The following KCNMA1 variants were observed in gnomAD, a reference collection of about 807,000 sequenced individuals.
KCNMA1 encodes the protein Calcium-activated potassium channel subunit alpha-1.
KCNMA1 carries 29 observed loss-of-function variants against 140.0 expected under a neutral mutation model. The observed-to-expected ratio is 0.21, with a 90% CI of 0.15 to 0.28. KCNMA1 has a LOEUF of 0.28. Among genes scored for constraint, KCNMA1 ranks in the 10% least tolerant of loss-of-function variants. The pLI is 1.00. For synonymous variants in KCNMA1, 612 were observed against 611.9 expected (o/e 1.00, Z 0.00); for missense variants, 880 against 1,602.2 (o/e 0.55, Z 7.70).
At chr10:77,183,173 C>A (rs1243446343) in intron 5 of KCNMA1, among the ~76,000 whole-genome samples, 1 of 152,198 alleles carries the variant, frequency 6.6e-6, no homozygotes, top group Non-Finnish European at 1.5e-5. Context: ...CTGGCTGTGA[C>A]AGTGATGACC....
At chr10:77,455,852 C>T (rs1531225) in intron 1 of KCNMA1, among the ~76,000 whole-genome samples, 7,485 of 152,306 alleles carry the variant, frequency 0.049, 439 homozygotes, top group African/African-American at 0.14. Context: ...AATCCAAACG[C>T]CCCCTTTCCA....
intron 16 of KCNMA1, among the ~76,000 whole-genome samples, chr10:77,027,455 G>A (rs1487734669): frequency 6.6e-6 from 1 of 152,168 alleles, no homozygotes. Flanking sequence ...TGCTGTAAAG[G>A]AGGCCAGAGT....
At chr10:77,385,706 T>G (rs535022293) in intron 2 of KCNMA1, among the ~76,000 whole-genome samples, 1 of 152,142 alleles carries the variant, frequency 6.6e-6, no homozygotes, top group African/African-American at 2.4e-5. Flanking sequence ...ATGGAGTGCA[T>G]GGAGGAGAGC....
chr10:77,603,882 G>A (rs1053862494), intron 1 of KCNMA1, among the ~76,000 whole-genome samples: 5 of 152,192 alleles, frequency 3.3e-5, no homozygotes, highest in African/African-American at 1.2e-4. Flanking sequence ...TGCTACATGT[G>A]TGGCCTTAGA....
intron 1 of KCNMA1, among the ~76,000 whole-genome samples, chr10:77,626,020 T>C (rs1287877410): frequency 9.3e-6 from 1 of 107,942 alleles, no homozygotes; most frequent in Non-Finnish European, 1.9e-5. Context: ...CTGGTGATTT[T>C]CTATTTTTTT....
intron 18 of KCNMA1, among the ~76,000 whole-genome samples, chr10:77,005,014 T>C (rs1316568853): frequency 1.3e-5 from 2 of 152,182 alleles, no homozygotes; most frequent in African/African-American, 4.8e-5. Context: ...TCCTTTGGTG[T>C]TTGCTAATTT....
intron 1 of KCNMA1, among the ~76,000 whole-genome samples, chr10:77,414,578 G>A (rs1343625729): frequency 2.0e-5 from 3 of 151,944 alleles, no homozygotes; most frequent in African/African-American, 7.3e-5. Context: ...TGCAGCCTCC[G>A]CCTCCCAGGT....
intron 2 of KCNMA1, among the ~76,000 whole-genome samples, chr10:77,360,785 G>A (rs2093879507): frequency 6.6e-6 from 1 of 152,200 alleles, no homozygotes; most frequent in Non-Finnish European, 1.5e-5. Context: ...CAGCCCAGAA[G>A]AGGTGCTCTG....
chr10:77,630,314 C>T (rs2093031185), intron 1 of KCNMA1, among the ~76,000 whole-genome samples: 1 of 152,180 alleles, frequency 6.6e-6, no homozygotes, highest in Non-Finnish European at 1.5e-5. Context: ...CCCTCCTGGA[C>T]TTCGGGAAGT....
In KCNMA1 at chr10:77,436,994, A is replaced by ACACACACACG. The variant is rs1158264663; in HGVS notation, c.379-32972_379-32971insCGTGTGTGTG. Reference sequence around the variant, plus strand: ...CACACACACACACACACACACACACACACTCCTTCAGCCAAAATGTTCCAC... The same window carrying ACACACACACG: ...CACACACACACACACACACACACACACACACACACGCACTCCTTCAGCCAAAATGTTCCAC... On this transcript the variant is annotated intron_variant, in intron 1 of 27. Coordinates refer to ENST00000286628, the MANE Select transcript of KCNMA1 (RefSeq NM_001161352.2). Among the ~76,000 whole-genome samples the ACACACACACG allele has an allele frequency of 3.9e-4, 49 of 126,714 alleles. 3 individuals carry two copies. In the East Asian group the frequency reaches 0.012, roughly 32 times the overall value. 83.1% of individuals were successfully genotyped at this position (126,714 alleles called of 152,430 possible).
chr10:77,254,751 T>C (rs1035134840), intron 2 of KCNMA1, among the ~76,000 whole-genome samples: 4 of 152,098 alleles, frequency 2.6e-5, no homozygotes, highest in Non-Finnish European at 5.9e-5. Context: ...TAATATCTCT[T>C]CACGAAGGGC....
intron 3 of KCNMA1, among the ~76,000 whole-genome samples, chr10:77,204,223 G>A (rs182283859): frequency 9.7e-4 from 148 of 152,224 alleles, no homozygotes; most frequent in African/African-American, 3.4e-3. Flanking sequence ...TGCTCTTCCC[G>A]TGTTTCAGGG....
Position 77,110,277 on chromosome 10 carries a change from C to T in KCNMA1, c.1027G>A (p.Val343Ile). The T allele has an allele frequency of 6.2e-7, 1 of 1,613,942 alleles. No individual in the cohort carries two copies. Among genetic ancestry groups the T allele is most frequent in the Non-Finnish European group, 8.5e-7 (1 of 1,179,808 alleles). ...NNQALTYWEC[V>I]YLLMVTMSTV... is the part of the protein sequence containing the mutation. ...GACATTGTGACCATGAGTAAATAGA[C>T]ACATTCCCAGTAGGTGAGAGCCTGG... Residue 343 changes from valine to isoleucine, a missense_variant, in exon 8 of 28, where the codon GTC becomes ATC. By Grantham distance (29) the Val-to-Ile change is conservative (BLOSUM62 3). Transcript: ENST00000286628.
At chr10:77,378,127 C>T (rs116684462) in intron 2 of KCNMA1, among the ~76,000 whole-genome samples, 2,162 of 152,294 alleles carry the variant, frequency 0.014, 44 homozygotes, top group African/African-American at 0.049. Flanking sequence ...TCTGTGTGCT[C>T]ATTCACCTGA....
intron 3 of KCNMA1, among the ~76,000 whole-genome samples, chr10:77,247,124 G>A (rs774115785): frequency 9.9e-5 from 15 of 152,126 alleles, no homozygotes; most frequent in South Asian, 2.1e-4. Context: ...TTCAGTATAC[G>A]CCACATTAAA....
chr10:77,103,888 A>G (rs1478922421), intron 9 of KCNMA1, among the ~76,000 whole-genome samples: 2 of 152,188 alleles, frequency 1.3e-5, no homozygotes, highest in African/African-American at 4.8e-5. Flanking sequence ...CTTCCTCTCC[A>G]TCATGAGCAC....
chr10:77,075,035 T>G (rs1412856317), intron 13 of KCNMA1, among the ~76,000 whole-genome samples: 1 of 152,230 alleles, frequency 6.6e-6, no homozygotes, highest in Non-Finnish European at 1.5e-5. Context: ...AAATTCCTTC[T>G]TGCAAAATCC....
chr10:77,629,906 C>T (rs1392456450), intron 1 of KCNMA1, among the ~76,000 whole-genome samples: 1 of 152,222 alleles, frequency 6.6e-6, no homozygotes, highest in Admixed American at 6.5e-5. Flanking sequence ...TCATGGTGCT[C>T]CCCTCTGATG....
chr10:77,299,011 T>C (rs944152757), intron 2 of KCNMA1, among the ~76,000 whole-genome samples: 1 of 152,240 alleles, frequency 6.6e-6, no homozygotes, highest in Non-Finnish European at 1.5e-5. Context: ...TTTGTTGTTG[T>C]TGTGTTTCCA....
Sources: allele counts gnomAD v4.1 joint callset (sites outside exome capture counted in the v4.1 genomes callset), GRCh38; gene constraint gnomAD v4.1.1; transcripts MANE v1.5; gene names NCBI Gene and HGNC (gene_info 2026-07-23, HGNC 2026-07-21).